GPATCH8: variants seen among roughly 807,000 people sequenced by gnomAD.
GPATCH8 encodes the protein G-patch domain containing 8, also known as G patch domain-containing protein 8.
Under a neutral mutation model 118.3 loss-of-function variants are expected in GPATCH8, and 18 were observed. The ratio of observed to expected loss-of-function variants is 0.15; its 90% confidence interval spans 0.11 to 0.23. The LOEUF (loss-of-function observed/expected upper bound fraction) is 0.23. Among genes scored for constraint, GPATCH8 ranks in the 10% least tolerant of loss-of-function variants. The pLI is 1.00. For synonymous variants in GPATCH8, 659 were observed against 684.7 expected (o/e 0.96, Z 0.59); for missense variants, 1,631 against 1,873.8 (o/e 0.87, Z 2.39).
intron 1 of GPATCH8, among the ~76,000 whole-genome samples, chr17:44,499,301 T>C (rs1969890509): frequency 6.6e-6 from 1 of 152,080 alleles, no homozygotes; most frequent in Admixed American, 6.6e-5. Context: ...ACCCCGTCTC[T>C]ACTAAAAAAT....
chr17:44,439,352 C>T (rs990816822), intron 3 of GPATCH8, among the ~76,000 whole-genome samples: 1 of 150,144 alleles, frequency 6.7e-6, no homozygotes, highest in Non-Finnish European at 1.5e-5. Context: ...GGCCAATATC[C>T]TTCTTTCAGC....
chr17:44,415,833 A>T (rs903491483), intron 6 of GPATCH8, among the ~76,000 whole-genome samples: 1 of 152,250 alleles, frequency 6.6e-6, no homozygotes. Context: ...AGTAAGGCAG[A>T]ATCATTTTTA....
chr17:44,416,213 G>C (rs2049677173), intron 6 of GPATCH8, among the ~76,000 whole-genome samples: 1 of 152,086 alleles, frequency 6.6e-6, no homozygotes, highest in Non-Finnish European at 1.5e-5. Flanking sequence ...ATTTCACCAT[G>C]TTGGCCAGGC....
Position 44,399,075 on chromosome 17 carries a change from T to C in GPATCH8, c.3002A>G (p.Gln1001Arg). The C allele has an allele frequency of 6.2e-7, 1 of 1,614,074 alleles. No homozygotes were observed. The highest frequency in any genetic ancestry group is 8.5e-7 in the Non-Finnish European group (1 of 1,179,978). The change falls in exon 8 of 8, where the codon CAG (glutamine) becomes CGG (arginine). Residue 1001 changes from glutamine to arginine, a missense_variant. Gln to Arg is a conservative substitution (Grantham distance 43). This residue lies in a region of GPATCH8 where 922 missense variants were observed against 879.7 expected (regional missense o/e 1.05). Transcript: ENST00000591680. ...DRSRSTRSPSQRSGSRKRSWG... is the reference protein window; with the variant it reads ...DRSRSTRSPSRRSGSRKRSWG... ...TGATCTCTTCCTGGAGCCTGATCTC[T>C]GGGAAGGGCTCCTGGTGCTGCGGCT... is the stretch of plus-strand genomic sequence containing the variant.
In GPATCH8 at chr17:44,399,740, T is replaced by C. The variant is rs1472427712; in HGVS notation, c.2337A>G (p.Gln779=). 1.4e-5 allele frequency: 22 copies of C among 1,614,010 alleles called. No individual in the cohort carries two copies. Among genetic ancestry groups the C allele is most frequent in the Non-Finnish European group, 1.8e-5 (21 of 1,179,990 alleles). Residue 779 remains glutamine, a synonymous_variant, in exon 8 of 8, where the codon CAA becomes CAG. Transcript: ENST00000591680. The stretch of plus-strand genomic sequence containing the variant: ...CTTTGTGTTTCCTCCCACCATGGTC[T>C]TGGGAGCTGCTACCACCCCCACCTT... ...KDEGGGGSSS[Q]DHGGRKHKGE...
chr17:44,451,328 A>C (rs1232875207), intron 3 of GPATCH8, among the ~76,000 whole-genome samples: 1 of 152,188 alleles, frequency 6.6e-6, no homozygotes, highest in East Asian at 1.9e-4. Context: ...CCTAGCCTCA[A>C]GTGATCCACC....
chr17:44,408,267 C>G lies in GPATCH8; in HGVS notation c.493-2216G>C, dbSNP rs1241019284. ...GGTGTGTGATCTTGGCTCACTGCAA[C>G]CTCTGCCTCCCGGGTCCAAGCAATT... is the stretch of plus-strand genomic sequence containing the variant. On this transcript the variant is annotated intron_variant, in intron 6 of 7. Coordinates refer to ENST00000591680, the MANE Select transcript of GPATCH8 (RefSeq NM_001002909.4). 2.0e-5 allele frequency among the ~76,000 whole-genome samples: 3 copies of G among 151,740 alleles called. 1 individual carries two copies. In the South Asian group the frequency reaches 6.2e-4, roughly 32 times the overall value.
At chr17:44,499,651 T>A (rs183733128) in intron 1 of GPATCH8, among the ~76,000 whole-genome samples, 51 of 152,314 alleles carry the variant, frequency 3.3e-4, no homozygotes, top group Non-Finnish European at 6.3e-4. Flanking sequence ...TAGCTGTACA[T>A]CACTGTACAA....
At chr17:44,418,162 A>G (rs1476286233) in intron 6 of GPATCH8, among the ~76,000 whole-genome samples, 4 of 152,138 alleles carry the variant, frequency 2.6e-5, no homozygotes, top group Middle Eastern at 6.8e-3. Flanking sequence ...GAAAAGAAAA[A>G]GAGGAAGAAA....
chr17:44,401,450 T>A lies in GPATCH8; in HGVS notation c.627A>T (p.Ala209=). The change falls in exon 8 of 8, where the codon GCA becomes GCT. Residue 209 remains alanine, a synonymous_variant. Transcript: ENST00000591680. ...LAEQRKQAEC[A]PGSGPMFKPT... ...GTTTGAACATGGGACCACTTCCAGG[T>A]GCACTACATGATGATTTAGAAAAAT... 1 of 1,590,782 alleles carries A rather than the reference T, an allele frequency of 6.3e-7. No homozygotes were observed. Among genetic ancestry groups the A allele is most frequent in the African/African-American group, 1.3e-5 (1 of 74,598 alleles).
At chr17:44,445,601 G>C (rs889930407) in intron 3 of GPATCH8, among the ~76,000 whole-genome samples, 2 of 151,926 alleles carry the variant, frequency 1.3e-5, no homozygotes, top group Admixed American at 6.6e-5. Context: ...CACTTCCTAG[G>C]TTCAAGCGAT....
At chr17:44,424,730 A>G (rs530843395) in intron 5 of GPATCH8, among the ~76,000 whole-genome samples, 8 of 152,218 alleles carry the variant, frequency 5.3e-5, no homozygotes, top group Non-Finnish European at 1.0e-4. Flanking sequence ...TGCTCAACTG[A>G]TAAGTATAAT....
At chr17:44,454,972 C>T (rs1199784072) in intron 3 of GPATCH8, among the ~76,000 whole-genome samples, 1 of 152,196 alleles carries the variant, frequency 6.6e-6, no homozygotes, top group Non-Finnish European at 1.5e-5. Context: ...GAGATTATAG[C>T]TACATGCTTC....
intron 3 of GPATCH8, among the ~76,000 whole-genome samples, chr17:44,454,091 T>C (rs1247349273): frequency 6.6e-6 from 1 of 152,218 alleles, no homozygotes; most frequent in Non-Finnish European, 1.5e-5. Flanking sequence ...TATTCCTCCC[T>C]CCTCAGGACT....
At chr17:44,446,619 T>G (rs1284464899) in intron 3 of GPATCH8, among the ~76,000 whole-genome samples, 11 of 152,078 alleles carry the variant, frequency 7.2e-5, no homozygotes. Context: ...TTCTAAAGTT[T>G]GAAGAGTGGA....
chr17:44,395,387 T>G lies in GPATCH8; in HGVS notation c.*2181A>C. ...AAATACAATCTGTTATGCTTGTAAG[T>G]AAGGTTTATTTTTATTTTTACTTTT... On this transcript the variant is annotated 3_prime_UTR_variant, in exon 8 of 8. Transcript: ENST00000591680. The G allele has an allele frequency of 2.2e-6, 1 of 452,896 alleles. No individual in the cohort carries two copies. The highest frequency in any genetic ancestry group is 4.4e-6 in the Non-Finnish European group (1 of 226,356). The allele number at this position is 452,896 out of a possible 1,614,324, so 28.1% of individuals were successfully genotyped here.
At chr17:44,402,618 T>C (rs2049069489) in intron 7 of GPATCH8, among the ~76,000 whole-genome samples, 1 of 151,872 alleles carries the variant, frequency 6.6e-6, no homozygotes, top group Admixed American at 6.6e-5. Context: ...ACCCCACCTC[T>C]AAAAAAAATA....
chr17:44,443,183 T>C (rs2050762684), intron 3 of GPATCH8, among the ~76,000 whole-genome samples: 1 of 152,206 alleles, frequency 6.6e-6, no homozygotes, highest in African/African-American at 2.4e-5. Flanking sequence ...TGCAAATACA[T>C]ATGTGAAAAT....
chr17:44,434,973 T>C (rs2050447489), intron 5 of GPATCH8, 92 bp downstream of exon 5: 1 of 758,420 alleles, frequency 1.3e-6, no homozygotes, highest in South Asian at 1.4e-5. Context: ...ACAAATGCTG[T>C]TAGCAACAGT....
Sources: allele counts gnomAD v4.1 joint callset (sites outside exome capture counted in the v4.1 genomes callset), GRCh38; gene constraint gnomAD v4.1.1; regional missense constraint gnomAD v4.1.1; transcripts MANE v1.5; gene names NCBI Gene and HGNC (gene_info 2026-07-23, HGNC 2026-07-21).